PLEKHA6: variants seen among roughly 807,000 people sequenced by gnomAD.
PLEKHA6 encodes pleckstrin homology domain containing A6, also known as pleckstrin homology domain-containing family A member 6.
Under a neutral mutation model 116.7 loss-of-function variants are expected in PLEKHA6, and 60 were observed. That is an observed-to-expected ratio of 0.51 (90% CI 0.42 to 0.64). The LOEUF (loss-of-function observed/expected upper bound fraction) is 0.64. Among genes scored for constraint, PLEKHA6 ranks in the 30% least tolerant of loss-of-function variants. The pLI, the probability that PLEKHA6 is intolerant of heterozygous loss-of-function variation, is 0.00. For missense variants in PLEKHA6, 1,338 were observed against 1,422.7 expected (o/e 0.94, Z 0.96); for synonymous variants, 489 against 556.1 (o/e 0.88, Z 1.70).
chr1:204,313,793 G>T, intron 1 of PLEKHA6: 1 of 767,772 alleles, frequency 1.3e-6, no homozygotes, highest in Non-Finnish European at 1.6e-6. Flanking sequence ...GCAAGCAGCA[G>T]CAAATGCAGA....
At chr1:204,274,948 A>C (rs1275546231) in intron 1 of PLEKHA6, 139 bp from the exon 2 acceptor site, 2 of 378,988 alleles carry the variant, frequency 5.3e-6, no homozygotes, top group East Asian at 5.1e-4. Flanking sequence ...AGGGGGATCC[A>C]TGGGAGGCCT....
At chr1:204,336,561 AGC>A (rs1005988228) in intron 1 of PLEKHA6, among the ~76,000 whole-genome samples, 2 of 145,370 alleles carry the variant, frequency 1.4e-5, no homozygotes, top group African/African-American at 5.5e-5. Flanking sequence ...GAGGTGTGTG[AGC>A]GTGTGTGTGT....
intron 1 of PLEKHA6, among the ~76,000 whole-genome samples, chr1:204,285,731 G>A (rs1290832114): frequency 6.6e-6 from 1 of 152,198 alleles, no homozygotes; most frequent in Non-Finnish European, 1.5e-5. Context: ...CCTCTGCACA[G>A]TTTGAAAGTA....
rs568864063 is a variant in PLEKHA6, at chr1:204,280,948, G to A, written c.-94-6139C>T. 3.2e-5 allele frequency: 30 copies of A among 936,950 alleles called. No homozygotes were observed. The South Asian group carries it at 1.2e-3, about 37-fold the overall frequency. 58.0% of individuals were successfully genotyped at this position (936,950 alleles called of 1,614,324 possible). On this transcript the variant is annotated intron_variant, in intron 1 of 22. Coordinates refer to ENST00000272203, the MANE Select transcript of PLEKHA6 (RefSeq NM_014935.5). ...GCCCTCTGTTTTCCTACCTATTGCTGCCACATAAAGAAGAGGTCAAAGAGG... is the reference window on the plus strand; with the variant it reads ...GCCCTCTGTTTTCCTACCTATTGCTACCACATAAAGAAGAGGTCAAAGAGG...
chr1:204,270,559 T>C (rs1317958535), intron 3 of PLEKHA6, among the ~76,000 whole-genome samples: 1 of 152,220 alleles, frequency 6.6e-6, no homozygotes, highest in East Asian at 1.9e-4. Flanking sequence ...CATTCCTCTG[T>C]TCCATTACAC....
chr1:204,372,384 C>T (rs964144142), intron 1 of PLEKHA6, among the ~76,000 whole-genome samples: 3 of 152,122 alleles, frequency 2.0e-5, no homozygotes, highest in Non-Finnish European at 2.9e-5. Flanking sequence ...CAATCCCCAC[C>T]GACCAAGTGA....
rs1435973436 is a variant in PLEKHA6, at chr1:204,301,415, G to A, written c.-94-26606C>T. On this transcript the variant is annotated intron_variant, in intron 1 of 22. Coordinates refer to ENST00000272203, the MANE Select transcript of PLEKHA6 (RefSeq NM_014935.5). ...CTACAGCAATCTGCTGCATTTCTAC[G>A]CTGAATAGAGCTGGCGGAGGCAATG... is the stretch of plus-strand genomic sequence containing the variant. The A allele has an allele frequency of 1.0e-5, 10 of 985,270 alleles. No homozygotes were observed. In the East Asian group the frequency reaches 9.1e-4, roughly 89 times the overall value. 61.0% of individuals were successfully genotyped at this position (985,270 alleles called of 1,614,324 possible). A position where few individuals can be genotyped will look rare whatever the true frequency, so the allele number is the denominator to read the frequency against.
At chr1:204,250,260 G>A (rs1484089348) in intron 10 of PLEKHA6, among the ~76,000 whole-genome samples, 1 of 152,252 alleles carries the variant, frequency 6.6e-6, no homozygotes, top group Non-Finnish European at 1.5e-5. Flanking sequence ...CACTGCCGTA[G>A]GCAAAACGGC....
chr1:204,262,319 A>T (rs1345276275), intron 6 of PLEKHA6, among the ~76,000 whole-genome samples: 1 of 152,176 alleles, frequency 6.6e-6, no homozygotes, highest in Non-Finnish European at 1.5e-5. Flanking sequence ...CCAGCTCTGC[A>T]ACTGCAGACA....
intron 1 of PLEKHA6, among the ~76,000 whole-genome samples, chr1:204,329,205 A>T (rs1163499078): frequency 6.6e-6 from 1 of 152,238 alleles, no homozygotes; most frequent in African/African-American, 2.4e-5. Flanking sequence ...GTTATTTGGA[A>T]TGTTTCAGGC....
chr1:204,236,887 C>A (rs1662133165), intron 17 of PLEKHA6, among the ~76,000 whole-genome samples: 1 of 152,162 alleles, frequency 6.6e-6, no homozygotes, highest in Non-Finnish European at 1.5e-5. Context: ...ATGCATAACC[C>A]CTTGAATGAA....
intron 1 of PLEKHA6, among the ~76,000 whole-genome samples, chr1:204,314,432 C>T (rs575928299): frequency 1.6e-4 from 25 of 152,266 alleles, no homozygotes; most frequent in African/African-American, 4.6e-4. Context: ...CTCCTGCAGA[C>T]GACAATGGAG....
rs79960220 is a variant in PLEKHA6 at position 204,319,266 on chromosome 1, G to C, written c.-95+40428C>G. 7.1e-3 allele frequency among the ~76,000 whole-genome samples: 1,089 copies of C among 152,324 alleles called. 7 individuals are homozygous for C. Among genetic ancestry groups the C allele is most frequent in the African/African-American group, 0.024 (994 of 41,566 alleles). ...CTGGGAGCAGGAGGAGGAGCAGGCT[G>C]TCAGTCTTATAGACTGTTTCCTCCA... On this transcript the variant is annotated intron_variant, in intron 1 of 22. Coordinates refer to ENST00000272203, the MANE Select transcript of PLEKHA6 (RefSeq NM_014935.5).
At chr1:204,344,242 G>A (rs766181761) in intron 1 of PLEKHA6, among the ~76,000 whole-genome samples, 1 of 152,168 alleles carries the variant, frequency 6.6e-6, no homozygotes, top group Non-Finnish European at 1.5e-5. Context: ...GTTCTCTCCT[G>A]AGGTTCTTGT....
At position 204,324,954 on chromosome 1, in the gene PLEKHA6, G is replaced by C. The variant is rs192532623; in HGVS notation, c.-95+34740C>G. On this transcript the variant is annotated intron_variant, in intron 1 of 22. Transcript: ENST00000272203. ...TATTTTTGAGATGGGGTCTCACTTT[G>C]TTGCCCAGGCTGGAGTGCAGTGGCG... Among the ~76,000 whole-genome samples, 12 of 152,120 alleles carry C rather than the reference G, an allele frequency of 7.9e-5. 1 individual carries two copies. In the East Asian group the frequency reaches 2.3e-3, roughly 29 times the overall value.
At chr1:204,344,292 G>C (rs999612218) in intron 1 of PLEKHA6, among the ~76,000 whole-genome samples, 5 of 152,192 alleles carry the variant, frequency 3.3e-5, no homozygotes, top group Non-Finnish European at 7.4e-5. Flanking sequence ...AAAATAGCCC[G>C]CTCCTTCTCA....
intron 1 of PLEKHA6, chr1:204,317,168 AG>A: frequency 1.6e-5 from 13 of 798,134 alleles, no homozygotes; most frequent in South Asian, 5.6e-5. Flanking sequence ...AAAATGTCTC[AG>A]AAAGTTAAAC....
In PLEKHA6 at chr1:204,257,957, G is replaced by T; in HGVS notation, c.1008-88C>A. On this transcript the variant is annotated intron_variant, in intron 8 of 22. Transcript: ENST00000272203. This position sits in a 1 kb window ranked among gnomAD's most constrained non-coding sequence, Gnocchi z 6.5. Reference sequence around the variant, plus strand: ...CCCCACCTCCAGGTCCCCCAGCCTAGAGCAGGGTGCTTGAATAGGTACACA... The same window carrying T: ...CCCCACCTCCAGGTCCCCCAGCCTATAGCAGGGTGCTTGAATAGGTACACA... 2 of 1,254,794 alleles carry T rather than the reference G, an allele frequency of 1.6e-6. No individual in the cohort carries two copies. The highest frequency in any genetic ancestry group is 2.2e-6 in the Non-Finnish European group (2 of 900,346). The allele number at this position is 1,254,794 out of a possible 1,614,324, so 77.7% of individuals were successfully genotyped here.
chr1:204,284,104 T>G (rs1185208873), intron 1 of PLEKHA6, among the ~76,000 whole-genome samples: 1 of 152,172 alleles, frequency 6.6e-6, no homozygotes, highest in Non-Finnish European at 1.5e-5. Context: ...GTGCATCTGC[T>G]TCATGCCCCC....
Sources: allele counts gnomAD v4.1 joint callset (sites outside exome capture counted in the v4.1 genomes callset), GRCh38; gene constraint gnomAD v4.1.1; non-coding constraint Gnocchi (gnomAD v3.1); transcripts MANE v1.5; gene names NCBI Gene and HGNC (gene_info 2026-07-23, HGNC 2026-07-21).